TLN2: variants seen among roughly 807,000 people sequenced by gnomAD.
The protein encoded by TLN2 is talin 2, also known as talin-2.
Under a neutral mutation model 294.7 loss-of-function variants are expected in TLN2, and 118 were observed. The observed-to-expected ratio is 0.40, with a 90% confidence interval of 0.34 to 0.47. The LOEUF is 0.47. Ranked by LOEUF, TLN2 falls within the 20% of genes least tolerant of loss-of-function variation. The pLI is 0.84. For synonymous variants in TLN2, 1,431 were observed against 1,304.5 expected (o/e 1.10, Z -2.09); for missense variants, 3,083 against 3,282.2 (o/e 0.94, Z 1.48).
chr15:62,624,606 A>G (rs904194849), intron 3 of TLN2, among the ~76,000 whole-genome samples: 6 of 131,776 alleles, frequency 4.6e-5, no homozygotes, highest in African/African-American at 1.4e-4. Flanking sequence ...GAAGAAATAG[A>G]TAAGCTTTGA....
rs537337905 is a variant in TLN2 at position 62,561,897 on chromosome 15, G to A, written c.-237-27790G>A. 3.3e-5 allele frequency among the ~76,000 whole-genome samples: 5 copies of A among 151,726 alleles called. 1 individual carries two copies. In the South Asian group the frequency reaches 1.1e-3, roughly 32 times the overall value. On this transcript the variant is annotated intron_variant, in intron 1 of 58. Coordinates refer to ENST00000636159, the MANE Select transcript of TLN2 (RefSeq NM_015059.3). ...TCAGATTTTAACATGCTCTCCTCACGAAAGCTCCCTGTCCTTTTCCTTCCT... is the reference window on the plus strand; with the variant it reads ...TCAGATTTTAACATGCTCTCCTCACAAAAGCTCCCTGTCCTTTTCCTTCCT...
At chr15:62,824,271 CAGTGATGAATCCTTA>C (rs1267710164) in intron 54 of TLN2, among the ~76,000 whole-genome samples, 31 of 152,050 alleles carry the variant, frequency 2.0e-4, no homozygotes, top group Non-Finnish European at 4.6e-4. Flanking sequence ...TAGTTTTGTG[CAGTGATGAATCCTTA>C]AGGAATTCAA....
chr15:62,563,913 TG>T (rs1409240464), intron 1 of TLN2, among the ~76,000 whole-genome samples: 13 of 152,166 alleles, frequency 8.5e-5, no homozygotes, highest in African/African-American at 2.4e-4. Context: ...TCCCACTGGA[TG>T]GAAGGGGGTG....
At position 62,677,806 on chromosome 15, in the gene TLN2, C is replaced by CTTTT. The variant is rs3055781; in HGVS notation, c.957+2497_957+2500dup. ...TTAAGAAAGTAGGCAGCACTTGCAA[C>CTTTT]TTTTTTTTTTTTTTTGAGACGGAGA... On this transcript the variant is annotated intron_variant, in intron 11 of 58. Transcript: ENST00000636159. Among the ~76,000 whole-genome samples the CTTTT allele has an allele frequency of 9.0e-4, 68 of 75,272 alleles. 6 individuals carry two copies. The highest frequency in any genetic ancestry group is 2.3e-3 in the Admixed American group (10 of 4,416). 49.4% of individuals were successfully genotyped at this position (75,272 alleles called of 152,430 possible).
At chr15:62,546,395 C>G (rs2041996373) in intron 1 of TLN2, among the ~76,000 whole-genome samples, 1 of 152,178 alleles carries the variant, frequency 6.6e-6, no homozygotes, top group Non-Finnish European at 1.5e-5. Context: ...TGCTTTTTCT[C>G]TGATTGAACA....
intron 9 of TLN2, among the ~76,000 whole-genome samples, chr15:62,669,075 G>C (rs893378288): frequency 6.6e-6 from 1 of 152,202 alleles, no homozygotes; most frequent in Non-Finnish European, 1.5e-5. Flanking sequence ...TGCATCATCT[G>C]TGAAGGAATT....
intron 20 of TLN2, among the ~76,000 whole-genome samples, chr15:62,707,659 TG>T (rs1039989832): frequency 6.6e-5 from 10 of 152,172 alleles, no homozygotes; most frequent in African/African-American, 2.4e-4. Flanking sequence ...TTTTAATTGT[TG>T]CCAGGGTATA....
At chr15:62,581,998 T>G (rs1005216172) in intron 1 of TLN2, among the ~76,000 whole-genome samples, 3 of 151,042 alleles carry the variant, frequency 2.0e-5, no homozygotes, top group African/African-American at 4.9e-5. Context: ...GAGCCAAGAT[T>G]GTGCCGCTGC....
At chr15:62,822,005 T>A (rs755723279) in intron 54 of TLN2, among the ~76,000 whole-genome samples, 5 of 152,208 alleles carry the variant, frequency 3.3e-5, no homozygotes, top group Admixed American at 6.5e-5. Context: ...GCCGAAGCCA[T>A]GTCAGTTGAC....
intron 2 of TLN2, among the ~76,000 whole-genome samples, chr15:62,612,961 A>G (rs922691439): frequency 3.3e-5 from 5 of 152,224 alleles, no homozygotes; most frequent in African/African-American, 1.2e-4. Flanking sequence ...AGGATTATGT[A>G]TTGTAAAACA....
intron 1 of TLN2, among the ~76,000 whole-genome samples, chr15:62,405,031 A>T (rs954708996): frequency 2.0e-5 from 3 of 152,172 alleles, no homozygotes; most frequent in African/African-American, 7.2e-5. Context: ...TTTTAAAGAA[A>T]GGTGGTTGGA....
chr15:62,825,521 C>CATT (rs1345348617), intron 54 of TLN2, among the ~76,000 whole-genome samples: 1 of 150,202 alleles, frequency 6.7e-6, no homozygotes, highest in African/African-American at 2.5e-5. Context: ...GAGTGGCACT[C>CATT]ATTGGTTCCA....
chr15:62,836,898 TTCCTTG>T (rs1403137412), intron 57 of TLN2, among the ~76,000 whole-genome samples: 1 of 152,218 alleles, frequency 6.6e-6, no homozygotes, highest in Non-Finnish European at 1.5e-5. Context: ...TATGTAATTT[TTCCTTG>T]AAGATAAGGC....
At chr15:62,516,642 C>G (rs2040206103) in intron 1 of TLN2, among the ~76,000 whole-genome samples, 1 of 152,220 alleles carries the variant, frequency 6.6e-6, no homozygotes, top group East Asian at 1.9e-4. Flanking sequence ...CTTCCCATGG[C>G]TGAAGGCCTG....
At chr15:62,662,625 G>C (rs911012683) in intron 9 of TLN2, among the ~76,000 whole-genome samples, 3 of 152,138 alleles carry the variant, frequency 2.0e-5, no homozygotes, top group Admixed American at 2.0e-4. Context: ...CTACGGGGTA[G>C]ACACTAGACA....
intron 1 of TLN2, among the ~76,000 whole-genome samples, chr15:62,576,270 AAAAAAAT>A (rs1006494115): frequency 1.2e-4 from 18 of 152,012 alleles, no homozygotes; most frequent in African/African-American, 3.6e-4. Flanking sequence ...TCTCAAAAAA[AAAAAAAT>A]AAATAAAAAT....
intron 2 of TLN2, among the ~76,000 whole-genome samples, chr15:62,597,093 G>C (rs545031741): frequency 1.3e-5 from 2 of 152,036 alleles, no homozygotes; most frequent in Non-Finnish European, 2.9e-5. Context: ...TTTCAGTCCT[G>C]CTGTTCCCCT....
chr15:62,565,897 T>G (rs1225723873), intron 1 of TLN2, among the ~76,000 whole-genome samples: 3 of 148,770 alleles, frequency 2.0e-5, no homozygotes, highest in African/African-American at 7.5e-5. Flanking sequence ...TGGATGGCTC[T>G]ACTGTTTACT....
intron 1 of TLN2, among the ~76,000 whole-genome samples, chr15:62,456,896 A>T (rs1050822914): frequency 4.6e-5 from 7 of 152,008 alleles, no homozygotes; most frequent in African/African-American, 1.7e-4. Context: ...GCTCCTTGAC[A>T]TTCTGGCATT....
Sources: gnomAD v4.1 joint callset for allele counts (sites outside exome capture counted in the v4.1 genomes callset) on GRCh38, gnomAD v4.1.1 for gene constraint, MANE v1.5 for transcripts, NCBI Gene and HGNC (gene_info 2026-07-23, HGNC 2026-07-21) for gene names.